The following CLEC1A variants were observed in gnomAD, a reference collection of about 807,000 sequenced individuals.
CLEC1A encodes the protein C-type lectin domain family 1 member A.
In CLEC1A, 34 loss-of-function variants were observed where a neutral mutation model predicts 28.7. The observed-to-expected ratio is 1.18, with a 90% CI of 0.90 to 1.57. The LOEUF (loss-of-function observed/expected upper bound fraction) is 1.57. CLEC1A is among the 40% of genes most tolerant of loss of function. The pLI is 0.00. For missense variants in CLEC1A, 385 were observed against 339.5 expected, an observed-to-expected ratio of 1.13 and a Z score of -1.05; for synonymous variants, 116 against 121.0, an observed-to-expected ratio of 0.96 and a Z score of 0.27.
intron 4 of CLEC1A, 98 bp from the exon 5 acceptor site, chr12:10,073,509 A>G: frequency 1.2e-6 from 1 of 802,912 alleles, no homozygotes; most frequent in East Asian, 2.5e-5. Context: ...CAAAGCACAC[A>G]CAAGTCCTGC....
chr12:10,082,636 G>A (rs1252523197), intron 2 of CLEC1A, among the ~76,000 whole-genome samples: 1 of 152,098 alleles, frequency 6.6e-6, no homozygotes, highest in Non-Finnish European at 1.5e-5. Context: ...CCCATCACCT[G>A]AGAAACCTGA....
chr12:10,071,737 G>A (rs11838264), intron 5 of CLEC1A, among the ~76,000 whole-genome samples: 7,983 of 152,158 alleles, frequency 0.052, 509 homozygotes, highest in African/African-American at 0.15. Flanking sequence ...TAACTAAAGC[G>A]AAGCTACGTG....
chr12:10,089,130 G>A lies in CLEC1A; in HGVS notation c.208C>T (p.Leu70Phe), dbSNP rs748273395. 6.2e-7 allele frequency: 1 copy of A among 1,613,324 alleles called. No individual in the cohort carries two copies. The highest frequency in any genetic ancestry group is 1.1e-5 in the South Asian group (1 of 91,058). Residue 70 changes from leucine to phenylalanine, a missense_variant, in exon 2 of 6, where the codon CTT becomes TTT. Coordinates refer to ENST00000315330, the MANE Select transcript of CLEC1A (RefSeq NM_016511.4). ...VLLIGLAALGLLFFQYYQLSN... is the reference protein window; with the variant it reads ...VLLIGLAALGFLFFQYYQLSN... The stretch of plus-strand genomic sequence containing the variant: ...GGTCAGAGCGCAGACTTACACAAAA[G>A]CCCCAGGGCTGCCAGCCCTATCAGC...
rs1591927681 is a variant in CLEC1A at position 10,098,968 on chromosome 12, G to A, written c.-46C>T. On this transcript the variant is annotated 5_prime_UTR_variant, in exon 1 of 6. Coordinates refer to ENST00000315330, the MANE Select transcript of CLEC1A (RefSeq NM_016511.4). ...GAGTGAAATGTGGTCGGATTGCCCT[G>A]GGCCGCCGGGCTACTGTGAGCTAGT... 1.4e-6 allele frequency: 2 copies of A among 1,399,504 alleles called. No homozygotes were observed. Among genetic ancestry groups the A allele is most frequent in the East Asian group, 4.8e-5 (2 of 41,826 alleles). 86.7% of individuals were successfully genotyped at this position (1,399,504 alleles called of 1,614,324 possible).
intron 1 of CLEC1A, among the ~76,000 whole-genome samples, chr12:10,096,434 C>G (rs531157458): frequency 6.6e-6 from 1 of 152,154 alleles, no homozygotes; most frequent in Admixed American, 6.5e-5. Flanking sequence ...TCAGGTTTTT[C>G]TACCCTTGTA....
intron 3 of CLEC1A, among the ~76,000 whole-genome samples, chr12:10,078,331 G>A (rs1182237549): frequency 5.9e-5 from 9 of 152,060 alleles, no homozygotes; most frequent in African/African-American, 1.2e-4. Flanking sequence ...CACTCCAACC[G>A]CATGAGCTCC....
chr12:10,079,614 G>A (rs1474876132), intron 3 of CLEC1A, among the ~76,000 whole-genome samples: 2 of 152,008 alleles, frequency 1.3e-5, no homozygotes, highest in East Asian at 3.9e-4. Context: ...TGAGGCCAGA[G>A]TTCAAGACCA....
At chr12:10,084,944 T>G (rs1018804507) in intron 2 of CLEC1A, among the ~76,000 whole-genome samples, 7 of 151,512 alleles carry the variant, frequency 4.6e-5, no homozygotes, top group African/African-American at 7.3e-5. Flanking sequence ...GCAGAAAGGA[T>G]TGGGGTCCTA....
chr12:10,076,667 C>G (rs1410970106), intron 3 of CLEC1A, among the ~76,000 whole-genome samples: 1 of 151,998 alleles, frequency 6.6e-6, no homozygotes, highest in Non-Finnish European at 1.5e-5. Flanking sequence ...AAACACAGAA[C>G]AAGAATGGGA....
At chr12:10,090,398 G>A (rs942108585) in intron 1 of CLEC1A, among the ~76,000 whole-genome samples, 2 of 152,014 alleles carry the variant, frequency 1.3e-5, no homozygotes, top group African/African-American at 4.8e-5. Flanking sequence ...CTACAGGCAC[G>A]TGCCACCACG....
intron 2 of CLEC1A, among the ~76,000 whole-genome samples, chr12:10,088,446 TAAAA>T (rs1283456740): frequency 1.6e-4 from 2 of 12,278 alleles, no homozygotes; most frequent in African/African-American, 5.1e-4. Context: ...AAAGAACAGT[TAAAA>T]GAACTGTTCA....
At chr12:10,090,834 G>A (rs575253313) in intron 1 of CLEC1A, among the ~76,000 whole-genome samples, 51 of 151,624 alleles carry the variant, frequency 3.4e-4, no homozygotes, top group Non-Finnish European at 5.4e-4. Flanking sequence ...AAAAAAAATG[G>A]CAATTTTATT....
chr12:10,078,898 T>C (rs996891965), intron 3 of CLEC1A, among the ~76,000 whole-genome samples: 5 of 152,074 alleles, frequency 3.3e-5, no homozygotes, highest in African/African-American at 1.2e-4. Flanking sequence ...CTCTCCCCAA[T>C]CTCTTGCCTC....
chr12:10,082,106 C>G (rs1444714446), intron 2 of CLEC1A, among the ~76,000 whole-genome samples: 1 of 152,204 alleles, frequency 6.6e-6, no homozygotes. Context: ...ATGAAAGAAG[C>G]TTCCAAATGA....
chr12:10,088,101 G>A (rs946881161), intron 2 of CLEC1A, among the ~76,000 whole-genome samples: 30 of 151,982 alleles, frequency 2.0e-4, no homozygotes, highest in Non-Finnish European at 3.4e-4. Flanking sequence ...TGATTTTACA[G>A]TTTGCAATTA....
At chr12:10,075,110 T>C (rs1866223001) in intron 4 of CLEC1A, among the ~76,000 whole-genome samples, 1 of 152,200 alleles carries the variant, frequency 6.6e-6, no homozygotes, top group Admixed American at 6.5e-5. Context: ...TGGTAAAAAC[T>C]TAGTTAAATA....
intron 1 of CLEC1A, among the ~76,000 whole-genome samples, chr12:10,090,823 T>TA (rs11393834): frequency 0.73 from 110,268 of 151,716 alleles, 41,534 homozygotes; most frequent in Middle Eastern, 0.87. Context: ...CTCCTTTTTT[T>TA]AAAAAAAATG....
chr12:10,072,634 A>ATCTCTC (rs58355839), intron 5 of CLEC1A, among the ~76,000 whole-genome samples: 20,613 of 148,002 alleles, frequency 0.14, 1,487 homozygotes, highest in Non-Finnish European at 0.17. Flanking sequence ...TCAGGGAAAG[A>ATCTCTC]TCTCTCTCTC....
At chr12:10,075,879 C>T (rs1380082169) in intron 3 of CLEC1A, among the ~76,000 whole-genome samples, 1 of 152,044 alleles carries the variant, frequency 6.6e-6, no homozygotes, top group East Asian at 1.9e-4. Flanking sequence ...ACACTAATTG[C>T]TTATGTGGAA....
Sources: gnomAD v4.1 joint callset for allele counts (sites outside exome capture counted in the v4.1 genomes callset) on GRCh38, gnomAD v4.1.1 for gene constraint, MANE v1.5 for transcripts, NCBI Gene and HGNC (gene_info 2026-07-23, HGNC 2026-07-21) for gene names.